The following ESPNL variants were observed in gnomAD, a reference collection of about 807,000 sequenced individuals.
The protein encoded by ESPNL is espin-like protein.
In ESPNL, 49 loss-of-function variants were observed where a neutral mutation model predicts 46.8. That is an observed-to-expected ratio of 1.05 (90% CI 0.83 to 1.33). The LOEUF (loss-of-function observed/expected upper bound fraction) is 1.33, where lower values mean the gene tolerates loss of function less well. Ranked by LOEUF, ESPNL falls within the 40% of genes most tolerant of loss-of-function variation. The probability of loss-of-function intolerance (pLI) is 0.00; values close to 1 mark genes in which losing one functional copy is unlikely to be tolerated. For missense variants in ESPNL, 1,540 were observed against 1,436.6 expected (o/e 1.07, Z -1.16); for synonymous variants, 664 against 662.1 (o/e 1.00, Z -0.04).
intron 5 of ESPNL, 21 bp downstream of exon 5, chr2:238,117,055 C>T (rs1159943161): frequency 1.9e-6 from 3 of 1,598,672 alleles, no homozygotes; most frequent in Non-Finnish European, 1.7e-6. Flanking sequence ...GGGTCCCCAG[C>T]TGCCCTGGAG....
Position 238,131,033 on chromosome 2 carries a change from G to T in ESPNL, c.2319G>T (p.Leu773Phe), listed in dbSNP as rs973660716. ...CCCTAGGAGCCCGCCACGCGGGGTT[G>T]CGGGGCCAGGAGGCCGCCAGGAGCC... ...CRTLGARHAG[L>F]RGQEAARSPG... Residue 773 changes from leucine to phenylalanine, a missense_variant, in exon 9 of 9, where the codon TTG becomes TTT. Physicochemically the swap from Leu to Phe is conservative, Grantham distance 22 (BLOSUM62 0). Coordinates refer to ENST00000343063, the MANE Select transcript of ESPNL (RefSeq NM_194312.4). The T allele has an allele frequency of 8.4e-6, 13 of 1,538,950 alleles. No individual in the cohort carries two copies. Among genetic ancestry groups the T allele is most frequent in the Non-Finnish European group, 1.1e-5 (13 of 1,143,464 alleles).
Position 238,117,054 on chromosome 2 carries a change from G to C in ESPNL, c.987+20G>C. 6.3e-7 allele frequency: 1 copy of C among 1,599,658 alleles called. No homozygotes were observed. On this transcript the variant is annotated intron_variant, in intron 5 of 8. Transcript: ENST00000343063. ...CAGCCGGTAAGGCTCAGGGTCCCCA[G>C]CTGCCCTGGAGGCATGGGGGGTGGG... is the stretch of plus-strand genomic sequence containing the variant.
At chr2:238,117,172 G>GCCCTTGCTCCT in intron 5 of ESPNL, 138 bp downstream of exon 5, 1 of 1,240,312 alleles carries the variant, frequency 8.1e-7, no homozygotes, top group Non-Finnish European at 1.1e-6. Context: ...TTGGAGCCAG[G>GCCCTTGCTCCT]AGCAAGGGCC....
rs936847161 is a variant in ESPNL, at chr2:238,100,564, C to A, written c.145C>A (p.Leu49Met). Reference sequence around the variant, plus strand: ...TCACCACGCCACCCGGGCTGGCCACCTGGACTGCGTCAAGTTCTTGGTGCA... The same window carrying A: ...TCACCACGCCACCCGGGCTGGCCACATGGACTGCGTCAAGTTCTTGGTGCA... ...LVHHATRAGH[L>M]DCVKFLVQRA... Residue 49 changes from leucine (L) to methionine (M), a missense_variant, in exon 1 of 9, where the codon CTG becomes ATG. By Grantham distance (15) the Leu-to-Met change is conservative (BLOSUM62 2). Coordinates refer to ENST00000343063, the MANE Select transcript of ESPNL (RefSeq NM_194312.4). 18 of 1,587,020 alleles carry A rather than the reference C, an allele frequency of 1.1e-5. No individual in the cohort carries two copies. Among genetic ancestry groups the A allele is most frequent in the Non-Finnish European group, 1.5e-5 (17 of 1,169,142 alleles).
At position 238,130,221 on chromosome 2, in the gene ESPNL, A is replaced by C. The variant is rs1287026360; in HGVS notation, c.1507A>C (p.Thr503Pro). 4.3e-6 allele frequency: 7 copies of C among 1,611,900 alleles called. No homozygotes were observed. The South Asian group carries it at 5.5e-5, about 13-fold the overall frequency. ...AILGPFGELLTEDDLVYLEKQ... is the reference protein window; with the variant it reads ...AILGPFGELLPEDDLVYLEKQ... ...CCTGGGGCCCTTTGGGGAGCTGCTG[A>C]CAGAGGATGACCTGGTCTACCTGGA... The change falls in exon 9 of 9, where the codon ACA (threonine) becomes CCA (proline). Residue 503 changes from threonine (T) to proline (P), a missense_variant. Transcript: ENST00000343063.
chr2:238,125,423 G>A, intron 6 of ESPNL, 39 bp downstream of exon 6: 1 of 1,253,028 alleles, frequency 8.0e-7, no homozygotes, highest in Admixed American at 3.2e-5. Flanking sequence ...CAGGGCATGG[G>A]CCTGGGAGAG....
intron 5 of ESPNL, among the ~76,000 whole-genome samples, chr2:238,122,781 G>T (rs2106474937): frequency 6.6e-6 from 1 of 152,330 alleles, no homozygotes; most frequent in South Asian, 2.1e-4. Context: ...TGGCTGGGCA[G>T]GGGACAGTGC....
At chr2:238,129,099 C>T in intron 8 of ESPNL, 195 bp downstream of exon 8, 2 of 1,422,504 alleles carry the variant, frequency 1.4e-6, no homozygotes, top group Non-Finnish European at 1.8e-6. Context: ...AGCCCCTTCA[C>T]CTGCTCTGGA....
At position 238,102,079 on chromosome 2, in the gene ESPNL, G is replaced by T; in HGVS notation, c.433G>T (p.Ala145Ser). The T allele has an allele frequency of 6.3e-7, 1 of 1,577,732 alleles. No homozygotes were observed. Among genetic ancestry groups the T allele is most frequent in the East Asian group, 2.3e-5 (1 of 42,916 alleles). The change falls in exon 2 of 9, where the codon GCC becomes TCC. Residue 145 changes from alanine to serine, a missense_variant. By Grantham distance (99) the Ala-to-Ser change is moderately conservative. Coordinates refer to ENST00000343063, the MANE Select transcript of ESPNL (RefSeq NM_194312.4). ...GGGAGCCCGGCCGCTGCACCACGCTGCCGTCAGTGGGGACCTGACCTGCCT... is the reference window on the plus strand; with the variant it reads ...GGGAGCCCGGCCGCTGCACCACGCTTCCGTCAGTGGGGACCTGACCTGCCT... ...REGARPLHHAAVSGDLTCLKL... is the reference protein window; with the variant it reads ...REGARPLHHASVSGDLTCLKL...
intron 2 of ESPNL, among the ~76,000 whole-genome samples, 185 bp from the exon 3 acceptor site, chr2:238,104,471 G>A (rs889301259): frequency 6.6e-6 from 1 of 152,244 alleles, no homozygotes; most frequent in East Asian, 1.9e-4. Flanking sequence ...GGATAGGAGA[G>A]TGGGGTTGCA....
intron 4 of ESPNL, among the ~76,000 whole-genome samples, chr2:238,110,436 T>A (rs56306990): frequency 4.5e-4 from 1 of 2,240 alleles, no homozygotes; most frequent in Middle Eastern, 0.25. Flanking sequence ...ATGCCATATG[T>A]TACCGAGTGT....
In ESPNL at chr2:238,101,959, G is replaced by A. The variant is rs145328489; in HGVS notation, c.313G>A (p.Val105Ile). The A allele has an allele frequency of 3.1e-5, 50 of 1,609,140 alleles. No homozygotes were observed. The East Asian group carries it at 6.5e-4, about 21-fold the overall frequency. ...CGLQDQDASGVSPLHLAARFG... is the reference protein window; with the variant it reads ...CGLQDQDASGISPLHLAARFG... ...TTGGTAGGACCAAGATGCCTCGGGC[G>A]TCTCCCCGCTGCACCTGGCCGCCCG... The change falls in exon 2 of 9, where the codon GTC (valine) becomes ATC (isoleucine). Residue 105 changes from valine (V) to isoleucine (I), a missense_variant. Transcript: ENST00000343063.
intron 6 of ESPNL, among the ~76,000 whole-genome samples, chr2:238,127,148 TTG>T (rs1486937589): frequency 6.6e-6 from 1 of 151,624 alleles, no homozygotes; most frequent in Admixed American, 6.6e-5. Flanking sequence ...TGTGTCTGTG[TTG>T]TGTGTATGTG....
At position 238,127,722 on chromosome 2, in the gene ESPNL, G is replaced by A. The variant is rs1008597127; in HGVS notation, c.1203G>A (p.Thr401=). The A allele has an allele frequency of 1.9e-6, 3 of 1,609,574 alleles. No homozygotes were observed. The highest frequency in any genetic ancestry group is 2.2e-5 in the South Asian group (2 of 89,992). The change falls in exon 7 of 9, where the codon ACG becomes ACA. Residue 401 remains threonine (T), a synonymous_variant. Coordinates refer to ENST00000343063, the MANE Select transcript of ESPNL (RefSeq NM_194312.4). ...PAPPRIITSA[T]ADPEGTETAL... ...CTCCGAGGATCATCACCAGTGCCAC[G>A]GCTGACCCCGAGGTTCGTCCTCCAC... is the stretch of plus-strand genomic sequence containing the variant.
chr2:238,130,032 C>G, intron 8 of ESPNL, 96 bp from the exon 9 acceptor site: 1 of 1,393,854 alleles, frequency 7.2e-7, no homozygotes. Flanking sequence ...ACCAGAGGCT[C>G]TGCAGAGATA....
At chr2:238,101,259 A>G (rs922021813) in intron 1 of ESPNL, among the ~76,000 whole-genome samples, 1 of 141,160 alleles carries the variant, frequency 7.1e-6, no homozygotes, top group Non-Finnish European at 1.5e-5. Flanking sequence ...GGTGAGCAGG[A>G]CTGACCGGCC....
Position 238,131,240 on chromosome 2 carries a change from C to T in ESPNL, c.2526C>T (p.His842=), listed in dbSNP as rs771360180. 24 of 1,564,046 alleles carry T rather than the reference C, an allele frequency of 1.5e-5. No homozygotes were observed. In the Admixed American group the frequency reaches 2.6e-4, roughly 17 times the overall value. ...TGTCCCCCGAGCAGTTCCTGCCCCACGTGGACGGGGCTCCGGTGCCCTACA... is the reference window on the plus strand; with the variant it reads ...TGTCCCCCGAGCAGTTCCTGCCCCATGTGGACGGGGCTCCGGTGCCCTACA... The part of the protein sequence containing the change: ...GALSPEQFLP[H]VDGAPVPYSS... The change falls in exon 9 of 9, where the codon CAC becomes CAT. Residue 842 remains histidine, a synonymous_variant. Transcript: ENST00000343063.
At chr2:238,115,043 TGGTCTTGCGGCGGTTCTGGCTCC>T (rs1402118832) in intron 4 of ESPNL, among the ~76,000 whole-genome samples, 2 of 152,298 alleles carry the variant, frequency 1.3e-5, no homozygotes, top group East Asian at 1.9e-4. Flanking sequence ...GTTCTGGCGC[TGGTCTTGCGGCGGTTCTGGCTCC>T]GGTCTTGCGG....
At chr2:238,113,013 A>G (rs889700525) in intron 4 of ESPNL, among the ~76,000 whole-genome samples, 6 of 152,232 alleles carry the variant, frequency 3.9e-5, no homozygotes, top group African/African-American at 1.4e-4. Flanking sequence ...ATAGGTACAC[A>G]TTTTAGTTTA....
Sources: gnomAD v4.1 joint callset for allele counts (sites outside exome capture counted in the v4.1 genomes callset) on GRCh38, gnomAD v4.1.1 for gene constraint, MANE v1.5 for transcripts, NCBI Gene and HGNC (gene_info 2026-07-23, HGNC 2026-07-21) for gene names.